PCOLCE2: variants seen among roughly 807,000 people sequenced by gnomAD.
PCOLCE2 encodes procollagen C-proteinase enhancer 2.
In PCOLCE2, 42 loss-of-function variants were observed where a neutral mutation model predicts 47.0. The observed-to-expected ratio is 0.89, with a 90% CI of 0.70 to 1.16. The LOEUF (loss-of-function observed/expected upper bound fraction) is 1.16, where lower values mean the gene tolerates loss of function less well. PCOLCE2 is among the 50% of genes most tolerant of loss of function. PCOLCE2 has a pLI of 0.00. For synonymous variants in PCOLCE2, 169 were observed against 191.7 expected, an observed-to-expected ratio of 0.88 and a Z score of 0.98; for missense variants, 500 against 526.1, an observed-to-expected ratio of 0.95 and a Z score of 0.49.
At chr3:142,867,065 A>C (rs960201754) in intron 2 of PCOLCE2, among the ~76,000 whole-genome samples, 4 of 152,166 alleles carry the variant, frequency 2.6e-5, no homozygotes, top group Non-Finnish European at 4.4e-5. Flanking sequence ...CAGTTTTTTC[A>C]AGGGCTATGT....
intron 5 of PCOLCE2, among the ~76,000 whole-genome samples, chr3:142,837,629 T>C (rs1937219267): frequency 6.6e-6 from 1 of 152,206 alleles, no homozygotes. Context: ...CTGCAGTAAT[T>C]TCAGCTGTTG....
chr3:142,863,096 C>CAAAAAA (rs35383176), intron 2 of PCOLCE2, among the ~76,000 whole-genome samples: 2 of 85,990 alleles, frequency 2.3e-5, no homozygotes, highest in Non-Finnish European at 4.5e-5. Context: ...GTCTGGCAGG[C>CAAAAAA]AAAAAAAAAA....
At chr3:142,859,425 G>C (rs1250685467) in intron 2 of PCOLCE2, among the ~76,000 whole-genome samples, 1 of 151,828 alleles carries the variant, frequency 6.6e-6, no homozygotes, top group Non-Finnish European at 1.5e-5. Context: ...TTATAGGACA[G>C]AACTGACTTC....
intron 5 of PCOLCE2, among the ~76,000 whole-genome samples, chr3:142,838,566 G>T (rs1244516041): frequency 1.3e-5 from 2 of 152,052 alleles, no homozygotes; most frequent in African/African-American, 4.8e-5. Flanking sequence ...GCAGAACCCT[G>T]AGCCAATTAA....
chr3:142,883,878 CA>C (rs775376618), intron 2 of PCOLCE2, among the ~76,000 whole-genome samples: 7 of 152,070 alleles, frequency 4.6e-5, no homozygotes, highest in Non-Finnish European at 7.4e-5. Flanking sequence ...ATCTTTATGC[CA>C]GGGGTGCCTG....
chr3:142,882,634 C>T (rs946244035), intron 2 of PCOLCE2, among the ~76,000 whole-genome samples: 3 of 151,856 alleles, frequency 2.0e-5, no homozygotes, highest in Non-Finnish European at 2.9e-5. Context: ...TGGAGTGCAA[C>T]GGTGTAATCA....
intron 2 of PCOLCE2, among the ~76,000 whole-genome samples, chr3:142,861,482 G>A (rs1213846571): frequency 6.8e-6 from 1 of 146,568 alleles, no homozygotes; most frequent in Admixed American, 6.7e-5. Context: ...GTCAAGTTTA[G>A]CCCTGATACT....
At chr3:142,823,228 T>C (rs1326863375) in intron 7 of PCOLCE2, among the ~76,000 whole-genome samples, 1 of 152,148 alleles carries the variant, frequency 6.6e-6, no homozygotes, top group African/African-American at 2.4e-5. Flanking sequence ...ATGAAAAATA[T>C]ATAAGGAAAA....
At chr3:142,838,067 T>C (rs1560132555) in intron 5 of PCOLCE2, among the ~76,000 whole-genome samples, 5 of 152,194 alleles carry the variant, frequency 3.3e-5, no homozygotes, top group Admixed American at 2.0e-4. Flanking sequence ...TTCAGAATTT[T>C]CCCATTCCAC....
chr3:142,825,892 A>C (rs1418832542), intron 6 of PCOLCE2, among the ~76,000 whole-genome samples: 1 of 152,114 alleles, frequency 6.6e-6, no homozygotes, highest in Non-Finnish European at 1.5e-5. Context: ...CAGCAGAGTG[A>C]CAGGCTGGAG....
chr3:142,821,472 T>C (rs1937014569), intron 7 of PCOLCE2, among the ~76,000 whole-genome samples: 1 of 151,956 alleles, frequency 6.6e-6, no homozygotes, highest in Non-Finnish European at 1.5e-5. Flanking sequence ...AAGATGTGAG[T>C]CTTTGTGTCG....
chr3:142,848,587 C>A, intron 2 of PCOLCE2, 115 bp from the exon 3 acceptor site: 1 of 920,322 alleles, frequency 1.1e-6, no homozygotes, highest in Non-Finnish European at 1.6e-6. Context: ...GCTTTTTCCT[C>A]TCTCATATCT....
intron 2 of PCOLCE2, among the ~76,000 whole-genome samples, chr3:142,867,003 A>T (rs571044034): frequency 3.3e-5 from 5 of 152,230 alleles, no homozygotes; most frequent in Non-Finnish European, 7.3e-5. Flanking sequence ...TATCATGGCA[A>T]CCAGCCAGGT....
intron 2 of PCOLCE2, among the ~76,000 whole-genome samples, chr3:142,880,683 G>A (rs1933595877): frequency 6.6e-6 from 1 of 152,208 alleles, no homozygotes; most frequent in Non-Finnish European, 1.5e-5. Flanking sequence ...GCATCTGGAG[G>A]ATGGATTAAG....
intron 2 of PCOLCE2, among the ~76,000 whole-genome samples, chr3:142,854,111 A>C (rs1005807953): frequency 6.6e-6 from 1 of 152,198 alleles, no homozygotes; most frequent in Admixed American, 6.5e-5. Context: ...GGAGGAGTGC[A>C]TTTCTGCAGA....
intron 6 of PCOLCE2, chr3:142,827,664 A>G: frequency 7.1e-7 from 1 of 1,410,542 alleles, no homozygotes; most frequent in Non-Finnish European, 1.0e-6. Context: ...CGCTTCTTAA[A>G]CCAGTACGGG....
intron 5 of PCOLCE2, among the ~76,000 whole-genome samples, chr3:142,838,154 C>T (rs577407661): frequency 6.6e-6 from 1 of 152,142 alleles, no homozygotes; most frequent in Admixed American, 6.6e-5. Flanking sequence ...TGGGGTATCA[C>T]CAGCTCTACT....
At chr3:142,834,960 T>C (rs903620966) in intron 5 of PCOLCE2, among the ~76,000 whole-genome samples, 3 of 152,064 alleles carry the variant, frequency 2.0e-5, no homozygotes, top group Non-Finnish European at 4.4e-5. Flanking sequence ...TAATTACTGA[T>C]TAAATTTCTT....
intron 6 of PCOLCE2, among the ~76,000 whole-genome samples, chr3:142,824,902 A>G (rs1190603035): frequency 6.6e-6 from 1 of 152,226 alleles, no homozygotes; most frequent in Admixed American, 6.5e-5. Flanking sequence ...TGCTGGGATT[A>G]CAGGTGTAAG....
Sources: allele counts gnomAD v4.1 joint callset (sites outside exome capture counted in the v4.1 genomes callset), GRCh38; gene constraint gnomAD v4.1.1; transcripts MANE v1.5; gene names NCBI Gene and HGNC (gene_info 2026-07-23, HGNC 2026-07-21).